Variants in SLC16A10 observed in about 807,000 individuals in gnomAD.
The protein encoded by SLC16A10 is monocarboxylate transporter 10.
Under a neutral mutation model 40.0 loss-of-function variants are expected in SLC16A10, and 27 were observed. The observed-to-expected ratio is 0.67, with a 90% CI of 0.50 to 0.93. The LOEUF is 0.93. Among genes scored for constraint, SLC16A10 ranks in the 40% least tolerant of loss-of-function variants. SLC16A10 has a pLI of 0.00. For synonymous variants in SLC16A10, 213 were observed against 249.8 expected, an observed-to-expected ratio of 0.85 and a Z score of 1.39; for missense variants, 529 against 658.2, an observed-to-expected ratio of 0.80 and a Z score of 2.15.
intron 1 of SLC16A10, among the ~76,000 whole-genome samples, chr6:111,128,396 G>A (rs1467348290): frequency 1.3e-5 from 2 of 152,108 alleles, no homozygotes; most frequent in Non-Finnish European, 2.9e-5. Flanking sequence ...CTACACTAGA[G>A]ACTGTTTTCT....
intron 1 of SLC16A10, among the ~76,000 whole-genome samples, chr6:111,123,715 G>A (rs73528996): frequency 0.016 from 2,408 of 152,256 alleles, 61 homozygotes; most frequent in African/African-American, 0.056. Context: ...CCCTTGGCAG[G>A]GATGGTTTCC....
rs368888714 is a variant in SLC16A10 at position 111,204,900 on chromosome 6, G to T, written c.943-1692G>T. ...GAACCTGTTTTACTTATGTTATTTC[G>T]CTGAGCCCTTAGACATTTAAATTTT... is the stretch of plus-strand genomic sequence containing the variant. On this transcript the variant is annotated intron_variant, in intron 3 of 5. Coordinates refer to ENST00000368851, the MANE Select transcript of SLC16A10 (RefSeq NM_018593.5). Among the ~76,000 whole-genome samples the T allele has an allele frequency of 7.6e-4, 116 of 151,906 alleles. 1 individual carries two copies. Among genetic ancestry groups the T allele is most frequent in the Admixed American group, 1.0e-3 (16 of 15,250 alleles).
intron 3 of SLC16A10, among the ~76,000 whole-genome samples, chr6:111,191,047 A>G (rs988390500): frequency 3.9e-5 from 6 of 152,066 alleles, no homozygotes; most frequent in Admixed American, 2.6e-4. Context: ...ACTTTAAGTT[A>G]TGGAATACAT....
rs144289546 is a variant in SLC16A10, at chr6:111,127,580, T to C, written c.343+39485T>C. Among the ~76,000 whole-genome samples, 16 of 152,306 alleles carry C rather than the reference T, an allele frequency of 1.1e-4. No homozygotes were observed. The East Asian group carries it at 2.7e-3, about 26-fold the overall frequency. On this transcript the variant is annotated intron_variant, in intron 1 of 5. Transcript: ENST00000368851. Reference sequence around the variant, plus strand: ...AGGAAATAATGGTATAGAAGAAATATGTCTTTCTTGCTAGAATCTTATGTG... The same window carrying C: ...AGGAAATAATGGTATAGAAGAAATACGTCTTTCTTGCTAGAATCTTATGTG...
At position 111,224,251 on chromosome 6, in the gene SLC16A10, AC is replaced by A. The variant is rs1770951357; in HGVS notation, c.*2017del. 1.3e-5 allele frequency: 2 copies of A among 152,178 alleles called. No homozygotes were observed. The highest frequency in any genetic ancestry group is 4.8e-5 in the African/African-American group (2 of 41,434). 9.4% of individuals were successfully genotyped at this position (152,178 alleles called of 1,614,324 possible). On this transcript the variant is annotated 3_prime_UTR_variant, in exon 6 of 6. Coordinates refer to ENST00000368851, the MANE Select transcript of SLC16A10 (RefSeq NM_018593.5). ...CCCTGTCTGTAAAAGAAAATCAAAA[AC>A]AAAAAATAAATGTTAAATTTTGTTT...
At chr6:111,173,493 G>A (rs1053703527) in intron 2 of SLC16A10, 1 of 152,196 alleles carries the variant, frequency 6.6e-6, no homozygotes, top group African/African-American at 2.4e-5. Context: ...GGCCTGTTAG[G>A]AATTGGGCTG....
Position 111,222,351 on chromosome 6 carries a change from A to G in SLC16A10, c.*116A>G. The G allele has an allele frequency of 3.0e-6, 4 of 1,318,598 alleles. No individual in the cohort carries two copies. Among genetic ancestry groups the G allele is most frequent in the Non-Finnish European group, 4.0e-6 (4 of 1,003,058 alleles). The allele number at this position is 1,318,598 out of a possible 1,614,324, so 81.7% of individuals were successfully genotyped here. A position where few individuals can be genotyped will look rare whatever the true frequency, so the allele number is the denominator to read the frequency against. ...TTTAATCACATCCTAGGAATAGCAC[A>G]ATAATTGGGAAATAGAACCCTTATC... On this transcript the variant is annotated 3_prime_UTR_variant, in exon 6 of 6. Transcript: ENST00000368851.
chr6:111,167,391 C>T (rs1422918478), intron 1 of SLC16A10, among the ~76,000 whole-genome samples: 1 of 152,094 alleles, frequency 6.6e-6, no homozygotes, highest in African/African-American at 2.4e-5. Flanking sequence ...TGAGCTGGCA[C>T]CTTCTTGGGC....
chr6:111,206,751 T>C lies in SLC16A10; in HGVS notation c.1086+16T>C, dbSNP rs780553509. The C allele has an allele frequency of 6.9e-6, 11 of 1,602,390 alleles. No homozygotes were observed. The highest frequency in any genetic ancestry group is 9.4e-6 in the Non-Finnish European group (11 of 1,175,756). On this transcript the variant is annotated intron_variant, in intron 4 of 5. Coordinates refer to ENST00000368851, the MANE Select transcript of SLC16A10 (RefSeq NM_018593.5). ...TTATCTACAGGTACTTTTTTACACC[T>C]TTTTTCCCCTATCAAAAATTACTCT... is the stretch of plus-strand genomic sequence containing the variant.
intron 1 of SLC16A10, among the ~76,000 whole-genome samples, chr6:111,136,526 C>T (rs1771880405): frequency 6.6e-6 from 1 of 152,222 alleles, no homozygotes; most frequent in Non-Finnish European, 1.5e-5. Flanking sequence ...ATATCAGGCT[C>T]TATTACTTGA....
intron 3 of SLC16A10, among the ~76,000 whole-genome samples, chr6:111,187,604 A>G (rs1772920767): frequency 6.6e-6 from 1 of 152,230 alleles, no homozygotes; most frequent in South Asian, 2.1e-4. Context: ...TGGAAAATAA[A>G]TGGAAGCTTA....
At chr6:111,201,760 G>A (rs1461498806) in intron 3 of SLC16A10, among the ~76,000 whole-genome samples, 1 of 152,222 alleles carries the variant, frequency 6.6e-6, no homozygotes, top group East Asian at 1.9e-4. Flanking sequence ...TGCTTTGCAG[G>A]TGTGTACCAC....
intron 1 of SLC16A10, among the ~76,000 whole-genome samples, chr6:111,112,228 G>T (rs1248622831): frequency 6.6e-6 from 1 of 151,956 alleles, no homozygotes; most frequent in Non-Finnish European, 1.5e-5. Flanking sequence ...CTAGAGATGG[G>T]GTCTCTGTGT....
intron 4 of SLC16A10, among the ~76,000 whole-genome samples, chr6:111,211,786 TG>T (rs1773350058): frequency 6.6e-6 from 1 of 152,220 alleles, no homozygotes; most frequent in Non-Finnish European, 1.5e-5. Context: ...ACACACAGTG[TG>T]GTTTTTGATT....
At chr6:111,197,312 A>AT (rs1773095234) in intron 3 of SLC16A10, among the ~76,000 whole-genome samples, 1 of 152,186 alleles carries the variant, frequency 6.6e-6, no homozygotes, top group Non-Finnish European at 1.5e-5. Flanking sequence ...GGAAGGATCC[A>AT]TTTTTCTTCA....
At chr6:111,198,197 A>C (rs1210974001) in intron 3 of SLC16A10, among the ~76,000 whole-genome samples, 1 of 152,090 alleles carries the variant, frequency 6.6e-6, no homozygotes, top group Non-Finnish European at 1.5e-5. Flanking sequence ...TGAGGCAGGA[A>C]GCTCTCTTGA....
intron 1 of SLC16A10, among the ~76,000 whole-genome samples, chr6:111,162,291 G>T (rs1772384862): frequency 1.3e-5 from 2 of 152,170 alleles, no homozygotes; most frequent in Non-Finnish European, 2.9e-5. Context: ...TTTCAGATAA[G>T]ACCTTTTAAA....
In SLC16A10 at chr6:111,200,169, G is replaced by A. The variant is rs58431510; in HGVS notation, c.943-6423G>A. 9.7e-3 allele frequency among the ~76,000 whole-genome samples: 1,474 copies of A among 152,258 alleles called. 22 individuals are homozygous for A. The highest frequency in any genetic ancestry group is 0.034 in the African/African-American group (1,407 of 41,540). ...CTCCACCTGGTCAGCTGCTGAGGAG[G>A]GGGCAGGTACCTGTACCACAGTTTA... On this transcript the variant is annotated intron_variant, in intron 3 of 5. Transcript: ENST00000368851.
rs1051950026 is a variant in SLC16A10 at position 111,228,177 on chromosome 6, G to A, written c.*5942G>A. 3 of 152,280 alleles carry A rather than the reference G, an allele frequency of 2.0e-5. No individual in the cohort carries two copies. Among genetic ancestry groups the A allele is most frequent in the Admixed American group, 6.5e-5 (1 of 15,286 alleles). The allele number at this position is 152,280 out of a possible 1,614,324, so 9.4% of individuals were successfully genotyped here. ...GCCAGTGGCTTTTCAAGTTACACTG[G>A]AAGCTTGATTATGAAAAAGTTTTGT... On this transcript the variant is annotated 3_prime_UTR_variant, in exon 6 of 6. Coordinates refer to ENST00000368851, the MANE Select transcript of SLC16A10 (RefSeq NM_018593.5).
Sources: gnomAD v4.1 joint callset for allele counts (sites outside exome capture counted in the v4.1 genomes callset) on GRCh38, gnomAD v4.1.1 for gene constraint, MANE v1.5 for transcripts, NCBI Gene and HGNC (gene_info 2026-07-23, HGNC 2026-07-21) for gene names.